PREX1: variants seen among roughly 807,000 people sequenced by gnomAD.
The protein encoded by PREX1 is phosphatidylinositol-3,4,5-trisphosphate dependent Rac exchange factor 1, also known as phosphatidylinositol 3,4,5-trisphosphate-dependent Rac exchanger 1 protein.
A neutral mutation model predicts 198.3 loss-of-function variants in PREX1; 41 were observed. That is an observed-to-expected ratio of 0.21 (90% CI 0.16 to 0.27). The LOEUF (loss-of-function observed/expected upper bound fraction) is 0.27, where lower values mean the gene tolerates loss of function less well. Among genes scored for constraint, PREX1 ranks in the 10% least tolerant of loss-of-function variants. The pLI is 1.00. For synonymous variants in PREX1, 843 were observed against 887.2 expected, an observed-to-expected ratio of 0.95 and a Z score of 0.89; for missense variants, 1,620 against 2,200.7, an observed-to-expected ratio of 0.74 and a Z score of 5.28.
intron 1 of PREX1, among the ~76,000 whole-genome samples, chr20:48,802,487 G>C (rs1420198101): frequency 6.6e-5 from 10 of 152,118 alleles, no homozygotes; most frequent in Non-Finnish European, 1.0e-4. Flanking sequence ...TCAGTGTCCA[G>C]GTCCCAGCTC....
Position 48,690,964 on chromosome 20 carries a change from T to A in PREX1, c.1169A>T (p.Glu390Val), listed in dbSNP as rs1487851710. ...CTGCTCACTCTCGCGCTGCTCCCGC[T>A]CGCGGATGATGGCATCCAGCCACTT... ...KQKWLDAIIR[E>V]REQRESLKLG... Residue 390 changes from glutamate to valine, a missense_variant, in exon 9 of 40, where the codon GAG becomes GTG. Coordinates refer to ENST00000371941, the MANE Select transcript of PREX1 (RefSeq NM_020820.4). The A allele has an allele frequency of 5.6e-6, 9 of 1,614,080 alleles. No homozygotes were observed. The highest frequency in any genetic ancestry group is 1.7e-6 in the Non-Finnish European group (2 of 1,180,022).
At chr20:48,807,958 G>A (rs2090419226) in intron 1 of PREX1, among the ~76,000 whole-genome samples, 1 of 151,990 alleles carries the variant, frequency 6.6e-6, no homozygotes, top group Non-Finnish European at 1.5e-5. Context: ...TTCCTCCCAA[G>A]CCCCTCCCCA....
chr20:48,652,899 A>G (rs753572558), intron 20 of PREX1, among the ~76,000 whole-genome samples, 193 bp from the exon 21 acceptor site: 6 of 152,342 alleles, frequency 3.9e-5, no homozygotes, highest in Non-Finnish European at 7.3e-5. Flanking sequence ...AGGCAGGGAC[A>G]TGGGTGCAGA....
At chr20:48,678,886 C>CATAA (rs1235469815) in intron 13 of PREX1, among the ~76,000 whole-genome samples, 2 of 152,110 alleles carry the variant, frequency 1.3e-5, no homozygotes, top group Non-Finnish European at 2.9e-5. Context: ...CAGAAAGTAC[C>CATAA]AGGTTGGTGA....
intron 6 of PREX1, among the ~76,000 whole-genome samples, chr20:48,706,014 C>G (rs1037122321): frequency 1.3e-5 from 2 of 152,184 alleles, no homozygotes. Flanking sequence ...TAGCACCTCC[C>G]TTGTAGGGTT....
Position 48,647,159 on chromosome 20 carries a change from G to T in PREX1, c.3306-1102C>A, listed in dbSNP as rs548540598. Among the ~76,000 whole-genome samples the T allele has an allele frequency of 4.6e-5, 7 of 152,308 alleles. No homozygotes were observed. In the East Asian group the frequency reaches 1.4e-3, roughly 29 times the overall value. On this transcript the variant is annotated intron_variant, in intron 25 of 39. Transcript: ENST00000371941. Reference sequence around the variant, plus strand: ...GCAGGAGGATCACTTGAGCCCAGGAGTTCGAGGCTGTGGCAACCTATGATC... The same window carrying T: ...GCAGGAGGATCACTTGAGCCCAGGATTTCGAGGCTGTGGCAACCTATGATC...
At chr20:48,786,819 A>G (rs113602538) in intron 1 of PREX1, among the ~76,000 whole-genome samples, 30 of 42,652 alleles carry the variant, frequency 7.0e-4, no homozygotes, top group South Asian at 2.0e-3. Flanking sequence ...AGGAAAGAAA[A>G]AGAGAGAGAG....
chr20:48,676,907 G>A (rs1172460670), intron 13 of PREX1, among the ~76,000 whole-genome samples: 1 of 152,224 alleles, frequency 6.6e-6, no homozygotes, highest in Non-Finnish European at 1.5e-5. Context: ...ACAGAGGCCT[G>A]TGAGTTTCAC....
chr20:48,725,024 C>G (rs2090003451), intron 5 of PREX1, among the ~76,000 whole-genome samples: 1 of 152,214 alleles, frequency 6.6e-6, no homozygotes, highest in African/African-American at 2.4e-5. Flanking sequence ...CGTCCCACCC[C>G]CACGGCTGCG....
intron 1 of PREX1, among the ~76,000 whole-genome samples, chr20:48,776,358 G>T (rs1202597185): frequency 2.0e-5 from 3 of 152,194 alleles, no homozygotes; most frequent in African/African-American, 7.2e-5. Context: ...CCCTCAGACA[G>T]CCGAGACAGG....
intron 1 of PREX1, among the ~76,000 whole-genome samples, chr20:48,751,811 T>C (rs1429379260): frequency 6.6e-6 from 1 of 152,228 alleles, no homozygotes; most frequent in African/African-American, 2.4e-5. Flanking sequence ...GCCCAAGTCC[T>C]CCTCTTCATT....
chr20:48,668,832 TG>T (rs1426275765), intron 14 of PREX1, among the ~76,000 whole-genome samples: 2 of 152,028 alleles, frequency 1.3e-5, no homozygotes, highest in Admixed American at 6.5e-5. Context: ...GGGCCGGCAG[TG>T]GGGAGGCCAG....
the PREX1 span, among the ~76,000 whole-genome samples, chr20:48,881,918 A>T: frequency 1.1e-5 from 1 of 91,174 alleles, no homozygotes; most frequent in Non-Finnish European, 2.3e-5. Flanking sequence ...TCCTTTCCCC[A>T]CCCCCACCCC....
chr20:48,759,463 T>C (rs925757099), intron 1 of PREX1, among the ~76,000 whole-genome samples: 3 of 142,510 alleles, frequency 2.1e-5, no homozygotes, highest in African/African-American at 7.9e-5. Context: ...GACAGGAGAA[T>C]CATTTGAACC....
rs200085683 is a variant in PREX1 at position 48,637,690 on chromosome 20, A to C, written c.3946+21T>G. ...GGAAGAGGCCGGGTATGTGCCCCCC[A>C]CACACCTTTAAAGGCCTCACCTGTG... is the stretch of plus-strand genomic sequence containing the variant. On this transcript the variant is annotated intron_variant, in intron 31 of 39. Coordinates refer to ENST00000371941, the MANE Select transcript of PREX1 (RefSeq NM_020820.4). The C allele has an allele frequency of 4.1e-5, 65 of 1,602,142 alleles. No individual in the cohort carries two copies. In the African/African-American group the frequency reaches 7.6e-4, roughly 19 times the overall value.
intron 1 of PREX1, among the ~76,000 whole-genome samples, chr20:48,782,548 TC>T (rs1343825252): frequency 1.3e-5 from 2 of 152,196 alleles, no homozygotes; most frequent in Non-Finnish European, 2.9e-5. Flanking sequence ...TATGAATATG[TC>T]CTGTTAAAGT....
intron 27 of PREX1, among the ~76,000 whole-genome samples, chr20:48,643,365 A>G (rs957615386): frequency 1.3e-5 from 2 of 152,068 alleles, no homozygotes; most frequent in African/African-American, 4.8e-5. Context: ...GCTACTCAGG[A>G]GCCTGAGGCA....
intron 1 of PREX1, among the ~76,000 whole-genome samples, chr20:48,798,009 C>T (rs995943805): frequency 6.6e-6 from 1 of 152,196 alleles, no homozygotes. Context: ...CCAGGGACGA[C>T]GCTGAGCTCA....
At chr20:48,708,166 A>C (rs1488631936) in intron 6 of PREX1, 94 bp downstream of exon 6, 1 of 1,349,792 alleles carries the variant, frequency 7.4e-7, no homozygotes, top group African/African-American at 1.5e-5. Flanking sequence ...AATACATTGC[A>C]GACTGACAGG....
Sources: gnomAD v4.1 joint callset for allele counts (sites outside exome capture counted in the v4.1 genomes callset) on GRCh38, gnomAD v4.1.1 for gene constraint, MANE v1.5 for transcripts, NCBI Gene and HGNC (gene_info 2026-07-23, HGNC 2026-07-21) for gene names.